Variants in KIFAP3 observed in about 807,000 individuals in gnomAD.
KIFAP3 encodes kinesin associated protein 3.
Under a neutral mutation model 106.5 loss-of-function variants are expected in KIFAP3, and 68 were observed. That is an observed-to-expected ratio of 0.64 (90% CI 0.53 to 0.78). The LOEUF (loss-of-function observed/expected upper bound fraction) is 0.78, where lower values mean the gene tolerates loss of function less well. Among genes scored for constraint, KIFAP3 ranks in the 30% least tolerant of loss-of-function variants. The pLI is 0.00. For synonymous variants in KIFAP3, 320 were observed against 311.5 expected (o/e 1.03, Z -0.29); for missense variants, 780 against 941.8 (o/e 0.83, Z 2.25).
At chr1:170,048,962 C>T (rs1340234044) in intron 2 of KIFAP3, among the ~76,000 whole-genome samples, 1 of 152,186 alleles carries the variant, frequency 6.6e-6, no homozygotes, top group Non-Finnish European at 1.5e-5. Context: ...TGCCTGGAAT[C>T]CCAGTGAGAC....
chr1:170,003,223 C>T (rs976208351), intron 10 of KIFAP3, among the ~76,000 whole-genome samples: 5 of 152,146 alleles, frequency 3.3e-5, no homozygotes, highest in African/African-American at 1.2e-4. Flanking sequence ...AATTTTTGGA[C>T]TTACTCATTA....
At chr1:169,973,123 A>ATATATATATATATATATATATATATAT (rs1553278139) in intron 16 of KIFAP3, among the ~76,000 whole-genome samples, 57 of 128,538 alleles carry the variant, frequency 4.4e-4, no homozygotes, top group South Asian at 7.9e-4. Context: ...ATATATATAT[A>ATATATATATATATATATATATATATAT]AACAACACAA....
chr1:169,977,580 T>A (rs1666289902), intron 16 of KIFAP3, among the ~76,000 whole-genome samples: 1 of 152,138 alleles, frequency 6.6e-6, no homozygotes, highest in Non-Finnish European at 1.5e-5. Flanking sequence ...GGCTATTTGA[T>A]TTACAATGCT....
At chr1:170,020,636 G>A (rs1488438894) in intron 9 of KIFAP3, among the ~76,000 whole-genome samples, 1 of 152,046 alleles carries the variant, frequency 6.6e-6, no homozygotes, top group Non-Finnish European at 1.5e-5. Flanking sequence ...TTTTAGTAGA[G>A]ATGGGGTTTC....
At chr1:170,079,799 T>G (rs1319981186) in intron 1 of KIFAP3, among the ~76,000 whole-genome samples, 2 of 152,008 alleles carry the variant, frequency 1.3e-5, no homozygotes, top group Non-Finnish European at 2.9e-5. Context: ...ATATTTCTAT[T>G]AAAAGAATGT....
At chr1:170,036,162 T>C (rs1669680751) in intron 5 of KIFAP3, among the ~76,000 whole-genome samples, 1 of 152,116 alleles carries the variant, frequency 6.6e-6, no homozygotes, top group Non-Finnish European at 1.5e-5. Flanking sequence ...TAAAATTTTC[T>C]CTTGAGGAAA....
chr1:170,031,033 T>C (rs569087726), intron 8 of KIFAP3, among the ~76,000 whole-genome samples: 1 of 151,974 alleles, frequency 6.6e-6, no homozygotes, highest in South Asian at 2.1e-4. Context: ...GCTTAAAGTT[T>C]TGCATGTTAA....
At chr1:169,951,194 T>A (rs757140941) in intron 19 of KIFAP3, among the ~76,000 whole-genome samples, 1 of 151,840 alleles carries the variant, frequency 6.6e-6, no homozygotes, top group Non-Finnish European at 1.5e-5. Context: ...TTGAGGAAAT[T>A]CATTGTGAAT....
chr1:169,998,126 CCTT>C (rs1187309194), intron 10 of KIFAP3, among the ~76,000 whole-genome samples: 3 of 151,798 alleles, frequency 2.0e-5, no homozygotes, highest in Non-Finnish European at 4.4e-5. Context: ...TTTCAGGTTT[CCTT>C]CTTTTAACAG....
intron 11 of KIFAP3, among the ~76,000 whole-genome samples, chr1:169,989,618 T>G (rs1336951466): frequency 3.3e-5 from 5 of 152,072 alleles, no homozygotes; most frequent in African/African-American, 1.2e-4. Flanking sequence ...TTGCATTGAG[T>G]ATAGTCTGAC....
At chr1:170,036,653 T>C (rs1379049180) in intron 5 of KIFAP3, among the ~76,000 whole-genome samples, 17 of 152,134 alleles carry the variant, frequency 1.1e-4, no homozygotes. Flanking sequence ...TTCCCAAAGG[T>C]ATTTGACCAT....
At chr1:169,958,379 A>AC (rs1432309661) in intron 18 of KIFAP3, 4 of 152,220 alleles carry the variant, frequency 2.6e-5, no homozygotes, top group Non-Finnish European at 2.9e-5. Context: ...GCTGTGAGCC[A>AC]CCATGCCCGA....
At chr1:170,006,277 C>T (rs771268373) in intron 10 of KIFAP3, among the ~76,000 whole-genome samples, 2 of 152,092 alleles carry the variant, frequency 1.3e-5, no homozygotes, top group Non-Finnish European at 2.9e-5. Context: ...TCTAACCACC[C>T]ACCAAATATT....
At chr1:169,973,515 T>TA (rs918857150) in intron 16 of KIFAP3, among the ~76,000 whole-genome samples, 34 of 149,110 alleles carry the variant, frequency 2.3e-4, no homozygotes, top group Admixed American at 1.9e-3. Flanking sequence ...CAAATTCTAG[T>TA]AAAAAAAACT....
Position 170,046,803 on chromosome 1 carries a change from T to C in KIFAP3, c.228A>G (p.Glu76=). The change falls in exon 3 of 20, where the codon GAA becomes GAG. Residue 76 remains glutamate (E), a synonymous_variant. Coordinates refer to ENST00000361580, the MANE Select transcript of KIFAP3 (RefSeq NM_014970.4). ...TTGAAGGATGAATGAGTTTACATTC[T>C]TCAACCACCTTCCTTGCCAGGGAAG... is the stretch of plus-strand genomic sequence containing the variant. The part of the protein sequence containing the change: ...DITSLARKVV[E]ECKLIHPSKL... The C allele has an allele frequency of 6.2e-7, 1 of 1,610,910 alleles. No individual in the cohort carries two copies. Among genetic ancestry groups the C allele is most frequent in the Non-Finnish European group, 8.5e-7 (1 of 1,178,220 alleles).
chr1:170,026,260 T>A (rs1035869733), intron 8 of KIFAP3, among the ~76,000 whole-genome samples: 1 of 152,178 alleles, frequency 6.6e-6, no homozygotes, highest in Admixed American at 6.5e-5. Flanking sequence ...AAATTTCTGT[T>A]GTTTTAAGCC....
At chr1:170,028,652 T>C (rs1669242955) in intron 8 of KIFAP3, among the ~76,000 whole-genome samples, 1 of 152,208 alleles carries the variant, frequency 6.6e-6, no homozygotes, top group Admixed American at 6.5e-5. Flanking sequence ...ATAGGGTTTA[T>C]AACATATGTA....
At chr1:170,003,346 T>G (rs1182464287) in intron 10 of KIFAP3, among the ~76,000 whole-genome samples, 1 of 152,320 alleles carries the variant, frequency 6.6e-6, no homozygotes, top group East Asian at 1.9e-4. Context: ...ATGAGAAAGC[T>G]ATAAAATATA....
At chr1:170,075,835 T>A (rs1471817985), upstream of KIFAP3, among the ~76,000 whole-genome samples, 1 of 152,226 alleles carries the variant, frequency 6.6e-6, no homozygotes, top group Non-Finnish European at 1.5e-5. Flanking sequence ...TCCAGTTTTT[T>A]TCTACATTCT....
Sources: gnomAD v4.1 joint callset for allele counts (sites outside exome capture counted in the v4.1 genomes callset) on GRCh38, gnomAD v4.1.1 for gene constraint, MANE v1.5 for transcripts, NCBI Gene and HGNC (gene_info 2026-07-23, HGNC 2026-07-21) for gene names.